The following MFAP3 variants were observed in gnomAD, a reference collection of about 807,000 sequenced individuals.
The protein encoded by MFAP3 is microfibril-associated glycoprotein 3.
Under a neutral mutation model 20.5 loss-of-function variants are expected in MFAP3, and 8 were observed. That is an observed-to-expected ratio of 0.39 (90% CI 0.23 to 0.70). MFAP3 has a LOEUF of 0.70. Ranked by LOEUF, MFAP3 falls within the 30% of genes least tolerant of loss-of-function variation. MFAP3 has a pLI of 0.44. For synonymous variants in MFAP3, 140 were observed against 154.0 expected (o/e 0.91, Z 0.67); for missense variants, 398 against 444.6 (o/e 0.90, Z 0.94).
chr5:154,040,745 G>A (rs1209978631), intron 1 of MFAP3, among the ~76,000 whole-genome samples: 3 of 152,126 alleles, frequency 2.0e-5, no homozygotes, highest in African/African-American at 7.2e-5. Context: ...TCTTTAACAA[G>A]CACCACAAAT....
chr5:154,040,295 CAT>C (rs1282742211), intron 1 of MFAP3, among the ~76,000 whole-genome samples: 2 of 152,128 alleles, frequency 1.3e-5, no homozygotes, highest in East Asian at 3.8e-4. Context: ...TATATGTTAA[CAT>C]AGATAGCATT....
chr5:154,052,545 G>T (rs1182437458), intron 2 of MFAP3, among the ~76,000 whole-genome samples: 2 of 152,122 alleles, frequency 1.3e-5, no homozygotes, highest in African/African-American at 4.8e-5. Flanking sequence ...ATATGAAAAT[G>T]TATTGGTTGC....
At chr5:154,043,219 C>A (rs1304190639) in intron 1 of MFAP3, among the ~76,000 whole-genome samples, 3 of 152,144 alleles carry the variant, frequency 2.0e-5, no homozygotes, top group African/African-American at 4.8e-5. Flanking sequence ...TTGAGTCTTA[C>A]ACTTATCTAT....
intron 1 of MFAP3, among the ~76,000 whole-genome samples, chr5:154,039,862 T>C (rs1772874804): frequency 6.6e-6 from 1 of 152,216 alleles, no homozygotes; most frequent in African/African-American, 2.4e-5. Context: ...GGAATTATCA[T>C]CTTAATTCCC....
At chr5:154,052,295 C>T (rs1468003023) in intron 2 of MFAP3, among the ~76,000 whole-genome samples, 2 of 151,516 alleles carry the variant, frequency 1.3e-5, no homozygotes, top group African/African-American at 2.4e-5. Flanking sequence ...AGAAAATCAA[C>T]AAAAGTTTCT....
Position 154,053,334 on chromosome 5 carries a change from G to A in MFAP3, c.710G>A (p.Arg237Lys). The A allele has an allele frequency of 6.2e-7, 1 of 1,614,072 alleles. No individual in the cohort carries two copies. The highest frequency in any genetic ancestry group is 8.5e-7 in the Non-Finnish European group (1 of 1,179,960). The change falls in exon 3 of 3, where the codon AGA becomes AAA. Residue 237 changes from arginine to lysine, a missense_variant. Transcript: ENST00000522782. ...EFARYIEELA[R>K]SVPLPPLILN... ...GCTCGTTATATTGAAGAACTGGCAA[G>A]AAGTGTCCCTCTTCCACCTCTTATT...
At chr5:154,045,570 A>G (rs945648784) in intron 1 of MFAP3, among the ~76,000 whole-genome samples, 7 of 152,252 alleles carry the variant, frequency 4.6e-5, no homozygotes, top group Middle Eastern at 3.2e-3. Flanking sequence ...TGAAAGAACC[A>G]TGAACAATAA....
At chr5:154,051,616 G>A (rs1278211132) in intron 2 of MFAP3, 2 of 152,178 alleles carry the variant, frequency 1.3e-5, no homozygotes, top group Non-Finnish European at 2.9e-5. Context: ...AAGTGGTGTC[G>A]TTTTCATAGC....
chr5:154,044,830 T>G (rs1773039567), intron 1 of MFAP3, among the ~76,000 whole-genome samples: 1 of 152,176 alleles, frequency 6.6e-6, no homozygotes, highest in Non-Finnish European at 1.5e-5. Context: ...GAACTTAATC[T>G]TTTTTCTCCT....
intron 2 of MFAP3, among the ~76,000 whole-genome samples, chr5:154,052,230 A>G (rs1309469114): frequency 6.6e-6 from 1 of 151,978 alleles, no homozygotes; most frequent in African/African-American, 2.4e-5. Flanking sequence ...CAAGCTTTTC[A>G]TTTACCATGA....
chr5:154,048,748 A>G (rs564837465), intron 1 of MFAP3, among the ~76,000 whole-genome samples: 1 of 152,266 alleles, frequency 6.6e-6, no homozygotes, highest in Admixed American at 6.5e-5. Context: ...CTGTAGTTTT[A>G]TATTTGCATT....
chr5:154,053,991 GAGTCCCAT>G lies in MFAP3; in HGVS notation c.*279_*286del, dbSNP rs1373242073. 39 of 348,240 alleles carry G rather than the reference GAGTCCCAT, an allele frequency of 1.1e-4. No homozygotes were observed. The highest frequency in any genetic ancestry group is 8.2e-4 in the African/African-American group (39 of 47,718). The allele number at this position is 348,240 out of a possible 1,614,324, so 21.6% of individuals were successfully genotyped here. A position where few individuals can be genotyped will look rare whatever the true frequency, so the allele number is the denominator to read the frequency against. ...ATGATGGGGAAAAGCACTGAACTAA[GAGTCCCAT>G]GGTTTCTCTTCTGGTCACAGTTCTT... On this transcript the variant is annotated 3_prime_UTR_variant, in exon 3 of 3. Coordinates refer to ENST00000522782, the MANE Select transcript of MFAP3 (RefSeq NM_005927.5).
chr5:154,050,106 A>G (rs1773153633), intron 2 of MFAP3, 89 bp downstream of exon 2: 2 of 1,416,760 alleles, frequency 1.4e-6, no homozygotes, highest in Admixed American at 4.6e-5. Context: ...AGTCTCAAAG[A>G]TAAGGTGCCA....
At position 154,057,103 on chromosome 5, in the gene MFAP3, T is replaced by A. The variant is rs1391246450; in HGVS notation, c.*3390T>A. ...TCCCAGATGGCACAGGAGCACTGCA[T>A]GCTTGTTTTCTAGAGCCCAGCCAGT... On this transcript the variant is annotated 3_prime_UTR_variant, in exon 3 of 3. Coordinates refer to ENST00000522782, the MANE Select transcript of MFAP3 (RefSeq NM_005927.5). Among the ~76,000 whole-genome samples, 1 of 152,202 alleles carries A rather than the reference T, an allele frequency of 6.6e-6. No homozygotes were observed. Among genetic ancestry groups the A allele is most frequent in the African/African-American group, 2.4e-5 (1 of 41,440 alleles).
Position 154,054,152 on chromosome 5 carries a change from A to G in MFAP3, c.*439A>G, listed in dbSNP as rs192181992. ...AACCCATCACCTTTAAATTACCAGAATCTTCACTCATCTCTAAGTAAACCT... is the reference window on the plus strand; with the variant it reads ...AACCCATCACCTTTAAATTACCAGAGTCTTCACTCATCTCTAAGTAAACCT... On this transcript the variant is annotated 3_prime_UTR_variant, in exon 3 of 3. Transcript: ENST00000522782. The G allele has an allele frequency of 3.2e-3, 545 of 170,252 alleles. 1 individual carries two copies. Among genetic ancestry groups the G allele is most frequent in the African/African-American group, 0.011 (468 of 41,606 alleles). The allele number at this position is 170,252 out of a possible 1,614,324, so 10.5% of individuals were successfully genotyped here. A position where few individuals can be genotyped will look rare whatever the true frequency, so the allele number is the denominator to read the frequency against.
Position 154,052,963 on chromosome 5 carries a change from T to A in MFAP3, c.339T>A (p.Asn113Lys). 6.2e-7 allele frequency: 1 copy of A among 1,613,662 alleles called. No homozygotes were observed. Among genetic ancestry groups the A allele is most frequent in the Non-Finnish European group, 8.5e-7 (1 of 1,179,702 alleles). Residue 113 changes from asparagine to lysine, a missense_variant, in exon 3 of 3, where the codon AAT (asparagine) becomes AAA (lysine). Asn to Lys is a moderately conservative substitution (Grantham distance 94). Transcript: ENST00000522782. ...LVSDNFLNITNVAFDDRGLYT... is the reference protein window; with the variant it reads ...LVSDNFLNITKVAFDDRGLYT... ...CTGATAACTTCCTAAACATCACCAA[T>A]GTAGCTTTTGATGACCGTGGGCTCT... is the stretch of plus-strand genomic sequence containing the variant.
At chr5:154,040,798 C>A (rs1772924667) in intron 1 of MFAP3, among the ~76,000 whole-genome samples, 1 of 152,108 alleles carries the variant, frequency 6.6e-6, no homozygotes, top group African/African-American at 2.4e-5. Flanking sequence ...GTGAGAAAAC[C>A]AGTCAAATGA....
rs1271168579 is a variant in MFAP3, at chr5:154,050,084, C to T, written c.295+67C>T. 50 of 1,491,328 alleles carry T rather than the reference C, an allele frequency of 3.4e-5. No individual in the cohort carries two copies. In the East Asian group the frequency reaches 6.9e-4, roughly 21 times the overall value. 92.4% of individuals were successfully genotyped at this position (1,491,328 alleles called of 1,614,324 possible). Reference sequence around the variant, plus strand: ...TGTTCTGTCTTCTTATTTTTTAACACGTTAAACAAAAAGTCTCAAAGATAA... The same window carrying T: ...TGTTCTGTCTTCTTATTTTTTAACATGTTAAACAAAAAGTCTCAAAGATAA... On this transcript the variant is annotated intron_variant, in intron 2 of 2. Coordinates refer to ENST00000522782, the MANE Select transcript of MFAP3 (RefSeq NM_005927.5).
chr5:154,043,499 C>T (rs990935963), intron 1 of MFAP3, among the ~76,000 whole-genome samples: 1 of 151,090 alleles, frequency 6.6e-6, no homozygotes, highest in East Asian at 1.9e-4. Context: ...TGCAGTGAGC[C>T]GAGATCTCAC....
Sources: allele counts gnomAD v4.1 joint callset (sites outside exome capture counted in the v4.1 genomes callset), GRCh38; gene constraint gnomAD v4.1.1; transcripts MANE v1.5; gene names NCBI Gene and HGNC (gene_info 2026-07-23, HGNC 2026-07-21).